AATF: variants seen among roughly 807,000 people sequenced by gnomAD.
The protein encoded by AATF is apoptosis antagonizing transcription factor, also known as protein AATF.
In AATF, 48 loss-of-function variants were observed where a neutral mutation model predicts 63.7. That is an observed-to-expected ratio of 0.75 (90% CI 0.60 to 0.96). The LOEUF (loss-of-function observed/expected upper bound fraction) is 0.96. AATF is among the 40% of genes least tolerant of loss of function. AATF has a pLI of 0.00. For synonymous variants in AATF, 258 were observed against 247.7 expected (o/e 1.04, Z -0.39); for missense variants, 639 against 685.7 (o/e 0.93, Z 0.76).
chr17:37,049,604 CAAAA>C (rs773061471), intron 11 of AATF, among the ~76,000 whole-genome samples: 1 of 63,124 alleles, frequency 1.6e-5, no homozygotes. Flanking sequence ...GACTCCGTCT[CAAAA>C]AAAAAAAAAA....
chr17:36,977,272 G>A (rs1442297569), intron 4 of AATF, among the ~76,000 whole-genome samples: 4 of 152,296 alleles, frequency 2.6e-5, no homozygotes, highest in African/African-American at 2.4e-5. Flanking sequence ...GCAGCTTTAA[G>A]GTGGTGAAAT....
chr17:36,978,443 C>T (rs2071095448), intron 4 of AATF, among the ~76,000 whole-genome samples: 1 of 152,036 alleles, frequency 6.6e-6, no homozygotes, highest in African/African-American at 2.4e-5. Context: ...GATATGAAAA[C>T]CCACGTCTGC....
At chr17:36,977,622 A>G (rs1417934279) in intron 4 of AATF, among the ~76,000 whole-genome samples, 1 of 152,124 alleles carries the variant, frequency 6.6e-6, no homozygotes. Flanking sequence ...TTAAATTGTA[A>G]AAGTAATATA....
At chr17:36,958,365 C>T (rs2070919145) in intron 4 of AATF, among the ~76,000 whole-genome samples, 1 of 152,062 alleles carries the variant, frequency 6.6e-6, no homozygotes, top group African/African-American at 2.4e-5. Context: ...TGGGGTTTCA[C>T]CATGTTGGCC....
chr17:37,050,042 G>A (rs922641462), intron 11 of AATF, among the ~76,000 whole-genome samples: 11 of 152,192 alleles, frequency 7.2e-5, no homozygotes, highest in Non-Finnish European at 1.6e-4. Context: ...GTCACAGGAG[G>A]AATGGAGGCA....
intron 4 of AATF, among the ~76,000 whole-genome samples, chr17:36,974,633 G>T (rs1438599847): frequency 6.6e-6 from 1 of 152,096 alleles, no homozygotes. Context: ...CCTTATCCTT[G>T]TCAACATCGG....
chr17:37,037,010 G>GTT lies in AATF; in HGVS notation c.1619+5340_1619+5341dup, dbSNP rs374106722. Among the ~76,000 whole-genome samples the GTT allele has an allele frequency of 4.3e-3, 569 of 133,458 alleles. 9 individuals carry two copies. The highest frequency in any genetic ancestry group is 0.014 in the African/African-American group (495 of 36,318). 87.6% of individuals were successfully genotyped at this position (133,458 alleles called of 152,430 possible). A position where few individuals can be genotyped will look rare whatever the true frequency, so the allele number is the denominator to read the frequency against. ...GCTCCCAGGACAGCATCATCTTTTT[G>GTT]TTTTTTTTTTTTTTTTGAGACAGAG... is the stretch of plus-strand genomic sequence containing the variant. On this transcript the variant is annotated intron_variant, in intron 11 of 11. Transcript: ENST00000619387.
At chr17:37,021,079 G>T in intron 10 of AATF, 65 bp downstream of exon 10, 4 of 1,163,564 alleles carry the variant, frequency 3.4e-6, no homozygotes, top group South Asian at 1.7e-5. Context: ...TTACATTCTG[G>T]CTGTTATGTC....
Position 37,010,780 on chromosome 17 carries a change from C to G in AATF, c.1399-8225C>G, listed in dbSNP as rs571115862. ...GTCAGTGGCTAGGGAAGCCTGTTCCCGCAGTGCATATGCAGAAGCAGCCTC... is the reference window on the plus strand; with the variant it reads ...GTCAGTGGCTAGGGAAGCCTGTTCCGGCAGTGCATATGCAGAAGCAGCCTC... On this transcript the variant is annotated intron_variant, in intron 8 of 11. Transcript: ENST00000619387. Among the ~76,000 whole-genome samples, 4 of 152,240 alleles carry G rather than the reference C, an allele frequency of 2.6e-5. No homozygotes were observed. In the South Asian group the frequency reaches 8.3e-4, roughly 32 times the overall value.
chr17:37,021,199 C>T, intron 10 of AATF, 185 bp downstream of exon 10: 1 of 490,902 alleles, frequency 2.0e-6, no homozygotes, highest in Non-Finnish European at 3.5e-6. Flanking sequence ...AATATAGTTT[C>T]ATTGACTTTT....
At chr17:36,960,713 G>A (rs2070940247) in intron 4 of AATF, among the ~76,000 whole-genome samples, 1 of 152,024 alleles carries the variant, frequency 6.6e-6, no homozygotes, top group Non-Finnish European at 1.5e-5. Context: ...TAATTACTTG[G>A]GATGGGTTTA....
Position 37,020,973 on chromosome 17 carries a change from C to CA in AATF, c.1512dup (p.Val505SerfsTer3). On this transcript the variant is annotated frameshift_variant, in exon 10 of 12. Transcript: ENST00000619387. LOFTEE classifies it high-confidence loss of function. Reference sequence around the variant, plus strand: ...TCCAGAAGTTACGAAGCAAAATCCACAAAAAAGTAGATAGGAAAGCCAGCA... The same window carrying CA: ...TCCAGAAGTTACGAAGCAAAATCCACAAAAAAAGTAGATAGGAAAGCCAGCA... 2 of 1,610,230 alleles carry CA rather than the reference C, an allele frequency of 1.2e-6. No individual in the cohort carries two copies. Among genetic ancestry groups the CA allele is most frequent in the Admixed American group, 1.7e-5 (1 of 59,340 alleles).
chr17:36,970,929 C>T (rs1035887893), intron 4 of AATF, among the ~76,000 whole-genome samples: 6 of 151,550 alleles, frequency 4.0e-5, no homozygotes, highest in Non-Finnish European at 7.4e-5. Context: ...AAAATTAACA[C>T]AAGACAGTCA....
intron 1 of AATF, 55 bp from the exon 2 acceptor site, chr17:36,950,159 G>A (rs2070841902): frequency 3.2e-6 from 5 of 1,577,124 alleles, no homozygotes; most frequent in Non-Finnish European, 4.3e-6. Context: ...CAGGGTTCCC[G>A]TTAAAGTTTC....
intron 4 of AATF, among the ~76,000 whole-genome samples, chr17:36,973,951 A>G (rs1013802565): frequency 6.6e-6 from 1 of 152,084 alleles, no homozygotes; most frequent in African/African-American, 2.4e-5. Context: ...TACGCCTGTA[A>G]TCCCTGCCTC....
chr17:37,027,193 A>G (rs2071517230), intron 10 of AATF, among the ~76,000 whole-genome samples: 1 of 152,182 alleles, frequency 6.6e-6, no homozygotes, highest in Admixed American at 6.5e-5. Flanking sequence ...GATTGTCAGT[A>G]TTCTACTCAG....
intron 4 of AATF, among the ~76,000 whole-genome samples, chr17:36,970,603 C>T (rs139147251): frequency 2.7e-4 from 40 of 149,078 alleles, no homozygotes; most frequent in Non-Finnish European, 3.0e-4. Flanking sequence ...AATGCAGTGA[C>T]GATCATGGCT....
chr17:37,031,702 TTA>T lies in AATF; in HGVS notation c.1619+19_1619+20del, dbSNP rs2071553329. On this transcript the variant is annotated intron_variant, in intron 11 of 11. Coordinates refer to ENST00000619387, the MANE Select transcript of AATF (RefSeq NM_012138.4). ...TGATGCCAGGTGAGTAATAGATTAA[TTA>T]TGTGTCTCAAATGGCTTCATGACAG... 1 of 1,604,352 alleles carries T rather than the reference TTA, an allele frequency of 6.2e-7. No individual in the cohort carries two copies. Among genetic ancestry groups the T allele is most frequent in the East Asian group, 2.2e-5 (1 of 44,854 alleles).
intron 7 of AATF, among the ~76,000 whole-genome samples, chr17:36,990,261 A>G (rs1157943828): frequency 1.3e-5 from 2 of 152,160 alleles, no homozygotes; most frequent in East Asian, 1.9e-4. Flanking sequence ...CATTTTTCCT[A>G]ATGACCTCAA....
Sources: allele counts gnomAD v4.1 joint callset (sites outside exome capture counted in the v4.1 genomes callset), GRCh38; gene constraint gnomAD v4.1.1; transcripts MANE v1.5; gene names NCBI Gene and HGNC (gene_info 2026-07-23, HGNC 2026-07-21).